Variants in NETO1 observed in about 807,000 individuals in gnomAD.
NETO1 encodes the protein neuropilin and tolloid like 1.
NETO1 carries 26 observed loss-of-function variants against 61.3 expected under a neutral mutation model. The observed-to-expected ratio is 0.42, with a 90% CI of 0.31 to 0.59. The LOEUF is 0.59. Ranked by LOEUF, NETO1 falls within the 20% of genes least tolerant of loss-of-function variation. The pLI, the probability that NETO1 is intolerant of heterozygous loss-of-function variation, is 0.12. For synonymous variants in NETO1, 225 were observed against 225.8 expected (o/e 1.00, Z 0.03); for missense variants, 531 against 662.8 (o/e 0.80, Z 2.18).
In NETO1 at chr18:72,743,993, A is replaced by C. The variant is rs1313810844; in HGVS notation, c.*4186T>G. On this transcript the variant is annotated 3_prime_UTR_variant, in exon 11 of 11. Transcript: ENST00000327305. ...AGATATAAAGGAGTAGTTTAACTAC[A>C]TGATCATACTGTTTCAGGAATAAGG... 2 of 152,218 alleles carry C rather than the reference A, an allele frequency of 1.3e-5. No individual in the cohort carries two copies. The highest frequency in any genetic ancestry group is 1.3e-4 in the Admixed American group (2 of 15,286). 9.4% of individuals were successfully genotyped at this position (152,218 alleles called of 1,614,324 possible). A position where few individuals can be genotyped will look rare whatever the true frequency, so the allele number is the denominator to read the frequency against.
chr18:72,751,050 T>TACACACACACACACAC (rs764681364), intron 8 of NETO1, among the ~76,000 whole-genome samples: 13,444 of 137,774 alleles, frequency 0.098, 833 homozygotes, highest in East Asian at 0.14. Context: ...CATCTTAAAA[T>TACACACACACACACAC]ACACACACAC....
At chr18:72,756,891 C>A (rs1799743404) in intron 7 of NETO1, among the ~76,000 whole-genome samples, 1 of 151,854 alleles carries the variant, frequency 6.6e-6, no homozygotes, top group East Asian at 1.9e-4. Context: ...TTTAATATAG[C>A]AATGTAAAAT....
chr18:72,748,034 G>T lies in NETO1; in HGVS notation c.*145C>A. The T allele has an allele frequency of 1.5e-6, 1 of 662,246 alleles. No homozygotes were observed. The highest frequency in any genetic ancestry group is 1.9e-6 in the Non-Finnish European group (1 of 534,744). 41.0% of individuals were successfully genotyped at this position (662,246 alleles called of 1,614,324 possible). ...GTGCAGCGGGGATGTCTTGCCGAAGGAATAACAAATGTCTGTAATTCTTAA... is the reference window on the plus strand; with the variant it reads ...GTGCAGCGGGGATGTCTTGCCGAAGTAATAACAAATGTCTGTAATTCTTAA... On this transcript the variant is annotated 3_prime_UTR_variant, in exon 11 of 11. Transcript: ENST00000327305.
intron 4 of NETO1, among the ~76,000 whole-genome samples, chr18:72,822,251 G>T (rs191166560): frequency 6.6e-6 from 1 of 152,206 alleles, no homozygotes; most frequent in African/African-American, 2.4e-5. Flanking sequence ...GGGTGGAGGG[G>T]CTGGGAAAGG....
intron 7 of NETO1, among the ~76,000 whole-genome samples, chr18:72,767,748 A>G (rs902151628): frequency 6.6e-6 from 1 of 151,940 alleles, no homozygotes; most frequent in Non-Finnish European, 1.5e-5. Flanking sequence ...GGTAAGAGGA[A>G]GGAAGGAAGG....
chr18:72,771,351 C>A (rs1417088268), intron 7 of NETO1, among the ~76,000 whole-genome samples: 4 of 152,098 alleles, frequency 2.6e-5, no homozygotes, highest in African/African-American at 7.2e-5. Context: ...GTACAACCTT[C>A]CGTGGGTAAT....
At position 72,749,022 on chromosome 18, in the gene NETO1, T is replaced by G; in HGVS notation, c.*6A>C. ...CAAGGGCATCTGCTTACCTTGAATT[T>G]TCTTTCTAGACCCTAGTTGTGTTGT... On this transcript the variant is annotated 3_prime_UTR_variant, in exon 10 of 11. Coordinates refer to ENST00000327305, the MANE Select transcript of NETO1 (RefSeq NM_138966.5). 3 of 1,607,136 alleles carry G rather than the reference T, an allele frequency of 1.9e-6. No homozygotes were observed. Among genetic ancestry groups the G allele is most frequent in the Non-Finnish European group, 2.6e-6 (3 of 1,173,976 alleles).
At chr18:72,834,627 T>G in intron 4 of NETO1, 7 of 983,682 alleles carry the variant, frequency 7.1e-6, no homozygotes, top group Non-Finnish European at 8.5e-6. Flanking sequence ...AAATTTATGT[T>G]TATAATTACT....
At chr18:72,840,530 AT>A (rs2073897165) in intron 4 of NETO1, among the ~76,000 whole-genome samples, 1 of 152,226 alleles carries the variant, frequency 6.6e-6, no homozygotes, top group Non-Finnish European at 1.5e-5. Flanking sequence ...ACTGAGGGTG[AT>A]TTATAAAGAT....
chr18:72,867,236 G>T, intron 1 of NETO1, 28 bp downstream of exon 1: 1 of 1,532,596 alleles, frequency 6.5e-7, no homozygotes, highest in East Asian at 2.5e-5. Context: ...CTCCGGGAGC[G>T]CACGGGCGCG....
intron 6 of NETO1, among the ~76,000 whole-genome samples, chr18:72,789,435 G>A (rs142818685): frequency 7.0e-4 from 107 of 151,992 alleles, no homozygotes; most frequent in Middle Eastern, 3.4e-3. Context: ...TTTTTACTTC[G>A]TTTATCAAAT....
intron 8 of NETO1, among the ~76,000 whole-genome samples, chr18:72,753,273 A>T (rs1457758226): frequency 2.0e-5 from 3 of 152,046 alleles, no homozygotes; most frequent in African/African-American, 7.2e-5. Flanking sequence ...AGGAAAAAAA[A>T]AACTCATCAT....
chr18:72,821,114 G>C (rs957625241), intron 4 of NETO1, among the ~76,000 whole-genome samples: 1 of 151,308 alleles, frequency 6.6e-6, no homozygotes, highest in African/African-American at 2.4e-5. Context: ...AGCTCTTTCA[G>C]CTTCCTAATC....
At chr18:72,860,340 T>C (rs2074533108) in intron 3 of NETO1, among the ~76,000 whole-genome samples, 1 of 152,208 alleles carries the variant, frequency 6.6e-6, no homozygotes, top group South Asian at 2.1e-4. Flanking sequence ...GAATGGTGGC[T>C]GTCCACACCC....
rs887000987 is a variant in NETO1, at chr18:72,783,745, G to T, written c.801C>A (p.Ile267=). The T allele has an allele frequency of 5.0e-6, 8 of 1,613,992 alleles. No homozygotes were observed. Among genetic ancestry groups the T allele is most frequent in the Middle Eastern group, 1.6e-4 (1 of 6,084 alleles). ...GACTGCCCTCATCTGCCCACATGCG[G>T]ATCACCCCAAGACCCGTGCGTAGCA... is the stretch of plus-strand genomic sequence containing the variant. ...DVMLRTGLGV[I]RMWADEGSRN... Residue 267 remains isoleucine, a synonymous_variant, in exon 7 of 11, where the codon ATC becomes ATA. Transcript: ENST00000327305.
chr18:72,787,833 A>G (rs1469701099), intron 6 of NETO1, among the ~76,000 whole-genome samples: 1 of 152,192 alleles, frequency 6.6e-6, no homozygotes, highest in Non-Finnish European at 1.5e-5. Flanking sequence ...TCACAGAGTT[A>G]TAGCCCAGAA....
At chr18:72,840,291 A>T (rs2073889062) in intron 4 of NETO1, among the ~76,000 whole-genome samples, 2 of 152,336 alleles carry the variant, frequency 1.3e-5, no homozygotes, top group South Asian at 4.1e-4. Flanking sequence ...CTGGCAGACA[A>T]GTGAGGAAGT....
At chr18:72,796,024 T>C (rs541244323) in intron 4 of NETO1, among the ~76,000 whole-genome samples, 12 of 152,340 alleles carry the variant, frequency 7.9e-5, no homozygotes, top group Non-Finnish European at 4.4e-5. Context: ...AATGCATTTG[T>C]TCCTACTACC....
In NETO1 at chr18:72,765,655, G is replaced by A. The variant is rs188481795; in HGVS notation, c.869-9508C>T. On this transcript the variant is annotated intron_variant, in intron 7 of 10. Transcript: ENST00000327305. ...GATGGTCTTGAACTTCTGGCCTCAT[G>A]ATCCACCCACCTTGGCCTCCCAAAG... is the stretch of plus-strand genomic sequence containing the variant. Among the ~76,000 whole-genome samples, 1,464 of 152,126 alleles carry A rather than the reference G, an allele frequency of 9.6e-3. 32 individuals are homozygous for A. The highest frequency in any genetic ancestry group is 0.033 in the African/African-American group (1,383 of 41,504).
Sources: gnomAD v4.1 joint callset for allele counts (sites outside exome capture counted in the v4.1 genomes callset) on GRCh38, gnomAD v4.1.1 for gene constraint, MANE v1.5 for transcripts, NCBI Gene and HGNC (gene_info 2026-07-23, HGNC 2026-07-21) for gene names.